FABP1: variants seen among roughly 807,000 people sequenced by gnomAD.
FABP1 encodes fatty acid binding protein 1.
A neutral mutation model predicts 13.7 loss-of-function variants in FABP1; 13 were observed. The ratio of observed to expected loss-of-function variants is 0.95; its 90% CI spans 0.62 to 1.51. FABP1 has a LOEUF of 1.51. Ranked by LOEUF, FABP1 falls within the 40% of genes most tolerant of loss-of-function variation. FABP1 has a pLI of 0.00. For missense variants in FABP1, 140 were observed against 155.7 expected, an observed-to-expected ratio of 0.90 and a Z score of 0.54; for synonymous variants, 48 against 59.8, an observed-to-expected ratio of 0.80 and a Z score of 0.91.
At chr2:88,125,888 C>T (rs1290650965) in intron 2 of FABP1, 2 of 283,166 alleles carry the variant, frequency 7.1e-6, no homozygotes, top group African/African-American at 4.3e-5. Context: ...CTGGGAGAAC[C>T]TGAGACTTAG....
intron 2 of FABP1, 74 bp from the exon 3 acceptor site, chr2:88,124,660 C>T: frequency 9.1e-7 from 1 of 1,103,104 alleles, no homozygotes; most frequent in Non-Finnish European, 1.4e-6. Context: ...AAGTTGCTTC[C>T]TTTGCACAGG....
chr2:88,127,350 C>A (rs1675317286), intron 1 of FABP1, among the ~76,000 whole-genome samples: 1 of 152,188 alleles, frequency 6.6e-6, no homozygotes, highest in Non-Finnish European at 1.5e-5. Flanking sequence ...TAAACACTTC[C>A]TACTTGCATG....
Position 88,123,277 on chromosome 2 carries a change from G to A in FABP1, c.334-173C>T, listed in dbSNP as rs970548472. The A allele has an allele frequency of 2.3e-5, 13 of 577,294 alleles. No individual in the cohort carries two copies. In the East Asian group the frequency reaches 3.3e-4, roughly 15 times the overall value. 35.8% of individuals were successfully genotyped at this position (577,294 alleles called of 1,614,324 possible). A position where few individuals can be genotyped will look rare whatever the true frequency, so the allele number is the denominator to read the frequency against. ...TAGGACCGGAGGAAAGGTTGGCAAT[G>A]TTTTCCAAAATCCTATGCCAAGTCT... On this transcript the variant is annotated intron_variant, in intron 3 of 3. Coordinates refer to ENST00000295834, the MANE Select transcript of FABP1 (RefSeq NM_001443.3).
At chr2:88,126,413 G>C (rs1675298974) in intron 1 of FABP1, 65 bp from the exon 2 acceptor site, 1 of 1,539,388 alleles carries the variant, frequency 6.5e-7, no homozygotes, top group African/African-American at 1.4e-5. Context: ...GTGGTAGGTA[G>C]GTGAGAGAAA....
At chr2:88,125,379 T>G (rs1020140161) in intron 2 of FABP1, among the ~76,000 whole-genome samples, 2 of 152,054 alleles carry the variant, frequency 1.3e-5, no homozygotes, top group Admixed American at 1.3e-4. Flanking sequence ...CCAGAAGAGA[T>G]AAAAAGCAAA....
At chr2:88,126,460 C>T in intron 1 of FABP1, 112 bp from the exon 2 acceptor site, 1 of 1,124,552 alleles carries the variant, frequency 8.9e-7, no homozygotes, top group South Asian at 1.5e-5. Context: ...GGCACTGTGT[C>T]TCCCAAGGGG....
Position 88,127,932 on chromosome 2 carries a change from CT to C in FABP1, c.67+18del. 1.2e-6 allele frequency: 2 copies of C among 1,613,886 alleles called. No individual in the cohort carries two copies. The highest frequency in any genetic ancestry group is 1.7e-6 in the Non-Finnish European group (2 of 1,179,742). On this transcript the variant is annotated intron_variant, in intron 1 of 3. Coordinates refer to ENST00000295834, the MANE Select transcript of FABP1 (RefSeq NM_001443.3). ...TCACTGATGTGACCCACAGCTTTGC[CT>C]TTCAGTCCAGCACTCACCGATTGCC...
chr2:88,126,436 G>C (rs1675299528), intron 1 of FABP1, 88 bp from the exon 2 acceptor site: 1 of 1,356,770 alleles, frequency 7.4e-7, no homozygotes. Flanking sequence ...ACATGACATG[G>C]AGGGACAGAG....
At chr2:88,125,324 C>A (rs1675276342) in intron 2 of FABP1, among the ~76,000 whole-genome samples, 1 of 152,176 alleles carries the variant, frequency 6.6e-6, no homozygotes, top group Non-Finnish European at 1.5e-5. Flanking sequence ...CTAAAATCAT[C>A]CTGACCTGTA....
chr2:88,124,610 T>A lies in FABP1; in HGVS notation c.241-24A>T, dbSNP rs773140480. The A allele has an allele frequency of 7.0e-6, 11 of 1,571,296 alleles. No homozygotes were observed. The East Asian group carries it at 2.3e-4, about 32-fold the overall frequency. Reference sequence around the variant, plus strand: ...GTCTGCAGGGAACAGAGAGGTGACCTGTGAGGAAGGGGTGGTGGGGGGCAA... The same window carrying A: ...GTCTGCAGGGAACAGAGAGGTGACCAGTGAGGAAGGGGTGGTGGGGGGCAA... On this transcript the variant is annotated intron_variant, in intron 2 of 3. Transcript: ENST00000295834.
intron 1 of FABP1, chr2:88,126,804 A>G (rs1306423674): frequency 1.2e-5 from 2 of 162,512 alleles, no homozygotes; most frequent in South Asian, 3.5e-4. Context: ...ACAAAGCGGC[A>G]CTGTGCCAGG....
rs377289468 is a variant in FABP1 at position 88,128,042 on chromosome 2, C to T, written c.-25G>A. On this transcript the variant is annotated 5_prime_UTR_variant, in exon 1 of 4. It adds an upstream start codon to the 5' untranslated region. Transcript: ENST00000295834. ...TGGTGGCAATAGAGCTCCCTCTTCA[C>T]GACTGACCTGCGGCTCTGCCGACCA... The T allele has an allele frequency of 3.1e-5, 50 of 1,612,096 alleles. No homozygotes were observed. Among genetic ancestry groups the T allele is most frequent in the East Asian group, 1.8e-4 (8 of 44,876 alleles).
At position 88,126,135 on chromosome 2, in the gene FABP1, TTCC is replaced by T. The variant is rs1573134234; in HGVS notation, c.240+38_240+40del. On this transcript the variant is annotated intron_variant, in intron 2 of 3. Coordinates refer to ENST00000295834, the MANE Select transcript of FABP1 (RefSeq NM_001443.3). ...TGAGGAATGAGGTCCCAGGGCCAGG[TTCC>T]AAGGAAAGTTCTGACAGCAGAAGGG... The T allele has an allele frequency of 3.8e-6, 6 of 1,564,854 alleles. No individual in the cohort carries two copies. The East Asian group carries it at 1.4e-4, about 36-fold the overall frequency.
intron 2 of FABP1, among the ~76,000 whole-genome samples, chr2:88,124,967 A>T (rs1675269873): frequency 7.8e-6 from 1 of 127,682 alleles, no homozygotes; most frequent in African/African-American, 2.9e-5. Flanking sequence ...TTTGGTATGT[A>T]TTCTTCTTTT....
At position 88,126,217 on chromosome 2, in the gene FABP1, C is replaced by G; in HGVS notation, c.199G>C (p.Glu67Gln). 1.2e-6 allele frequency: 2 copies of G among 1,612,008 alleles called. No homozygotes were observed. The highest frequency in any genetic ancestry group is 1.7e-6 in the Non-Finnish European group (2 of 1,178,450). The stretch of plus-strand genomic sequence containing the variant: ...GTCATTGTCTCCAGCTCACATTCCT[C>G]CCCCACCGTGAATTCGTTTTGGATC... ...KVIQNEFTVG[E>Q]ECELETMTGE... Residue 67 changes from glutamate to glutamine, a missense_variant, in exon 2 of 4, where the codon GAG (glutamate) becomes CAG (glutamine). Physicochemically the swap from Glu to Gln is conservative, Grantham distance 29. Transcript: ENST00000295834.
In FABP1 at chr2:88,124,508, C is replaced by A. The variant is rs772030208; in HGVS notation, c.319G>T (p.Asp107Tyr). 6.2e-7 allele frequency: 1 copy of A among 1,606,504 alleles called. No homozygotes were observed. The highest frequency in any genetic ancestry group is 2.3e-5 in the East Asian group (1 of 44,276). ...CACCAACTTACATTGGTGATTATGT[C>A]GCCGTTGAGTTCGGTCACAGACTTG... ...NIKSVTELNG[D>Y]IITNTMTLGD... is the part of the protein sequence containing the mutation. Residue 107 changes from aspartate (D) to tyrosine (Y), a missense_variant, in exon 3 of 4, where the codon GAC (aspartate) becomes TAC (tyrosine). Coordinates refer to ENST00000295834, the MANE Select transcript of FABP1 (RefSeq NM_001443.3).
intron 3 of FABP1, 74 bp from the exon 4 acceptor site, chr2:88,123,178 AC>A (rs1306093074): frequency 7.7e-7 from 1 of 1,297,916 alleles, no homozygotes; most frequent in Non-Finnish European, 1.1e-6. Flanking sequence ...AGCATAAAAA[AC>A]AAAATTAAGC....
intron 1 of FABP1, among the ~76,000 whole-genome samples, chr2:88,127,286 C>A (rs1179798249): frequency 6.6e-6 from 1 of 152,186 alleles, no homozygotes; most frequent in Non-Finnish European, 1.5e-5. Flanking sequence ...CCCTAGGAGG[C>A]ACAGGGGTTA....
intron 2 of FABP1, 141 bp from the exon 3 acceptor site, chr2:88,124,727 TCTGG>T: frequency 1.7e-6 from 1 of 591,556 alleles, no homozygotes; most frequent in East Asian, 3.2e-5. Context: ...CCTCTAGTTC[TCTGG>T]CTCCAAATAG....
Sources: allele counts gnomAD v4.1 joint callset (sites outside exome capture counted in the v4.1 genomes callset), GRCh38; gene constraint gnomAD v4.1.1; transcripts MANE v1.5; gene names NCBI Gene and HGNC (gene_info 2026-07-23, HGNC 2026-07-21).